The following PCDH7 variants were observed in gnomAD, a reference collection of about 807,000 sequenced individuals.
PCDH7 encodes the protein protocadherin 7.
PCDH7 carries 17 observed loss-of-function variants against 58.9 expected under a neutral mutation model. That is an observed-to-expected ratio of 0.29 (90% CI 0.20 to 0.43). The LOEUF (loss-of-function observed/expected upper bound fraction) is 0.43, where lower values mean the gene tolerates loss of function less well. Ranked by LOEUF, PCDH7 falls within the 20% of genes least tolerant of loss-of-function variation. The pLI, the probability that PCDH7 is intolerant of heterozygous loss-of-function variation, is 1.00. For synonymous variants in PCDH7, 664 were observed against 616.4 expected (o/e 1.08, Z -1.14); for missense variants, 1,274 against 1,441.0 (o/e 0.88, Z 1.88).
At chr4:30,757,187 G>A (rs1263789675) in intron 1 of PCDH7, among the ~76,000 whole-genome samples, 2 of 152,160 alleles carry the variant, frequency 1.3e-5, no homozygotes, top group Non-Finnish European at 2.9e-5. Flanking sequence ...TGTGTAATGT[G>A]TGCAAAGTCA....
intron 1 of PCDH7, among the ~76,000 whole-genome samples, chr4:30,780,367 C>T (rs976915166): frequency 3.3e-5 from 5 of 151,960 alleles, no homozygotes; most frequent in East Asian, 3.9e-4. Context: ...ATTAGCTGGA[C>T]GTGGTGGCAC....
At chr4:30,746,014 A>G (rs1043821532) in intron 1 of PCDH7, among the ~76,000 whole-genome samples, 4 of 151,976 alleles carry the variant, frequency 2.6e-5, no homozygotes, top group Non-Finnish European at 5.9e-5. Context: ...TAATTTTTGT[A>G]GACGGGGTTT....
At chr4:30,905,506 T>C (rs1227915616) in intron 1 of PCDH7, among the ~76,000 whole-genome samples, 1 of 152,072 alleles carries the variant, frequency 6.6e-6, no homozygotes, top group African/African-American at 2.4e-5. Context: ...AACCTTTGCT[T>C]GTATTCTGTG....
At chr4:31,114,307 A>G (rs6844774) in intron 3 of PCDH7, among the ~76,000 whole-genome samples, 2 of 152,160 alleles carry the variant, frequency 1.3e-5, no homozygotes, top group Admixed American at 1.3e-4. Context: ...TTGGGTAAAT[A>G]ATAAATCAGC....
At chr4:30,912,851 T>G (rs942918669) in intron 1 of PCDH7, among the ~76,000 whole-genome samples, 15 of 152,200 alleles carry the variant, frequency 9.9e-5, no homozygotes, top group African/African-American at 3.6e-4. Context: ...TGTTTTACTG[T>G]AACTATTGTG....
chr4:30,864,438 C>T (rs1235126840), intron 1 of PCDH7, among the ~76,000 whole-genome samples: 2 of 144,024 alleles, frequency 1.4e-5, no homozygotes, highest in Non-Finnish European at 3.1e-5. Context: ...GGAGAACACA[C>T]ACACACACAC....
intron 3 of PCDH7, among the ~76,000 whole-genome samples, chr4:31,024,846 G>A (rs369338037): frequency 5.9e-5 from 9 of 152,082 alleles, no homozygotes; most frequent in East Asian, 3.9e-4. Flanking sequence ...AGTTCTAAGC[G>A]ATTCTCCTGC....
chr4:30,746,457 C>T (rs1023116837), intron 1 of PCDH7, among the ~76,000 whole-genome samples: 1 of 152,182 alleles, frequency 6.6e-6, no homozygotes, highest in Admixed American at 6.5e-5. Flanking sequence ...CAGTGCAATT[C>T]GCCTTAGTTA....
chr4:30,759,005 G>T (rs1719686971), intron 1 of PCDH7, among the ~76,000 whole-genome samples: 1 of 140,798 alleles, frequency 7.1e-6, no homozygotes, highest in African/African-American at 2.7e-5. Flanking sequence ...GCAGTGACGT[G>T]ATCGCGGCTC....
intron 1 of PCDH7, among the ~76,000 whole-genome samples, chr4:30,818,990 C>A (rs1321772182): frequency 6.6e-6 from 1 of 152,114 alleles, no homozygotes; most frequent in East Asian, 1.9e-4. Context: ...CATATTCTAA[C>A]TGGAAAGGGA....
chr4:30,773,835 T>G (rs998419883), intron 1 of PCDH7, among the ~76,000 whole-genome samples: 2 of 152,254 alleles, frequency 1.3e-5, no homozygotes, highest in Middle Eastern at 6.8e-3. Context: ...TCTGACCACA[T>G]AATTCTGTGG....
At chr4:30,978,564 G>A (rs1041621581) in intron 3 of PCDH7, among the ~76,000 whole-genome samples, 8 of 152,188 alleles carry the variant, frequency 5.3e-5, no homozygotes, top group African/African-American at 1.2e-4. Flanking sequence ...TCTTAGCTAC[G>A]TGATCTCAGG....
intron 3 of PCDH7, among the ~76,000 whole-genome samples, chr4:30,974,257 T>TTCCTTTCCTTTCCTTTCCTC (rs1198326934): frequency 6.6e-6 from 1 of 150,856 alleles, no homozygotes; most frequent in Admixed American, 6.6e-5. Context: ...TTCCTTTCCT[T>TTCCTTTCCTTTCCTTTCCTC]TCCTTTCCTT....
At chr4:30,960,571 GCTAA>G (rs1263452144) in intron 3 of PCDH7, among the ~76,000 whole-genome samples, 1 of 152,180 alleles carries the variant, frequency 6.6e-6, no homozygotes, top group African/African-American at 2.4e-5. Flanking sequence ...TATATTTTAT[GCTAA>G]CTGTTAGAGA....
intron 2 of PCDH7, among the ~76,000 whole-genome samples, chr4:30,948,248 T>G (rs1039827128): frequency 5.9e-5 from 9 of 151,814 alleles, no homozygotes; most frequent in African/African-American, 2.2e-4. Context: ...AAGGAAGAAT[T>G]TTCTATACAT....
intron 3 of PCDH7, among the ~76,000 whole-genome samples, chr4:31,070,367 G>A (rs1210167425): frequency 1.3e-5 from 2 of 151,940 alleles, no homozygotes; most frequent in Non-Finnish European, 2.9e-5. Flanking sequence ...GACTTGGCTG[G>A]GTAATGTTTT....
chr4:31,059,128 T>A (rs1757483415), intron 3 of PCDH7, among the ~76,000 whole-genome samples: 1 of 151,982 alleles, frequency 6.6e-6, no homozygotes, highest in Non-Finnish European at 1.5e-5. Context: ...TACCATTATG[T>A]CTTAAGATCA....
intron 1 of PCDH7, among the ~76,000 whole-genome samples, chr4:30,743,982 G>A (rs766209747): frequency 6.6e-6 from 1 of 152,130 alleles, no homozygotes; most frequent in Non-Finnish European, 1.5e-5. Context: ...CAATCTTCCT[G>A]AAAGACATGG....
chr4:31,079,523 T>C (rs1315071778), intron 3 of PCDH7, among the ~76,000 whole-genome samples: 1 of 150,682 alleles, frequency 6.6e-6, no homozygotes, highest in Non-Finnish European at 1.5e-5. Context: ...TCCAAAGAAG[T>C]CCAACAGCAC....
Sources: gnomAD v4.1 joint callset for allele counts (sites outside exome capture counted in the v4.1 genomes callset) on GRCh38, gnomAD v4.1.1 for gene constraint, MANE v1.5 for transcripts, NCBI Gene and HGNC (gene_info 2026-07-23, HGNC 2026-07-21) for gene names.